RUBCN: variants seen among roughly 807,000 people sequenced by gnomAD.
RUBCN encodes run domain Beclin-1-interacting and cysteine-rich domain-containing protein.
In RUBCN, 74 loss-of-function variants were observed where a neutral mutation model predicts 113.2. The observed-to-expected ratio is 0.65, with a 90% CI of 0.54 to 0.79. The LOEUF is 0.79. Among genes scored for constraint, RUBCN ranks in the 30% least tolerant of loss-of-function variants. The pLI, the probability that RUBCN is intolerant of heterozygous loss-of-function variation, is 0.00. For missense variants in RUBCN, 1,109 were observed against 1,251.7 expected (o/e 0.89, Z 1.72); for synonymous variants, 480 against 490.0 (o/e 0.98, Z 0.27).
exon 1 of RUBCN, chr3:197,749,661 T>C: frequency 1.3e-6 from 1 of 772,538 alleles, no homozygotes; most frequent in East Asian, 4.5e-5. Flanking sequence ...GTGCCCGCGG[T>C]CTAGCATCCC....
At chr3:197,730,397 T>G (rs1048826398) in intron 1 of RUBCN, among the ~76,000 whole-genome samples, 2 of 152,172 alleles carry the variant, frequency 1.3e-5, no homozygotes, top group Admixed American at 6.5e-5. Flanking sequence ...CTGCTGGGAC[T>G]GCATCTTTCT....
chr3:197,680,738 C>G (rs1721126213), intron 16 of RUBCN, among the ~76,000 whole-genome samples: 1 of 152,102 alleles, frequency 6.6e-6, no homozygotes, highest in South Asian at 2.1e-4. Flanking sequence ...TACTCGATAC[C>G]CGATTCCTCA....
At chr3:197,710,049 A>T (rs1343074066) in intron 2 of RUBCN, among the ~76,000 whole-genome samples, 1 of 151,972 alleles carries the variant, frequency 6.6e-6, no homozygotes. Context: ...ATGCACCTGT[A>T]ATCCCAGCTC....
chr3:197,708,175 A>C (rs551206769), intron 2 of RUBCN, among the ~76,000 whole-genome samples: 1 of 151,820 alleles, frequency 6.6e-6, no homozygotes, highest in Non-Finnish European at 1.5e-5. Context: ...TTGCTCTGTC[A>C]CCCAGGCTGG....
chr3:197,677,439 C>T (rs760261066), intron 17 of RUBCN, 41 bp downstream of exon 17: 22 of 1,549,446 alleles, frequency 1.4e-5, no homozygotes, highest in African/African-American at 2.7e-5. Context: ...CTTTCGGAGA[C>T]AGCAACGTGG....
chr3:197,685,676 A>G (rs1337382147), intron 11 of RUBCN, among the ~76,000 whole-genome samples: 1 of 152,240 alleles, frequency 6.6e-6, no homozygotes, highest in Non-Finnish European at 1.5e-5. Context: ...AGGACAAGAC[A>G]TCGACACATT....
intron 1 of RUBCN, among the ~76,000 whole-genome samples, chr3:197,747,019 A>T (rs1232372105): frequency 6.6e-6 from 1 of 151,968 alleles, no homozygotes; most frequent in Non-Finnish European, 1.5e-5. Context: ...TGCCCCAGAA[A>T]ATTGCAGGGT....
Position 197,736,697 on chromosome 3 carries a change from A to G in RUBCN, c.23T>C (p.Met8Thr). ...GCGCTCCTCGCCGCCTCCGAGCTCC[A>G]TTCCCGCGCCCTCCGGCCGCATCCG... Reference protein sequence around the residue: MRPEGAGMELGGGEERLP... With the variant: MRPEGAGTELGGGEERLP... The change falls in exon 1 of 20, where the codon ATG (methionine) becomes ACG (threonine). Residue 8 changes from methionine (M) to threonine (T), a missense_variant. Around this residue, in one of 3 missense-constraint regions of RUBCN, gnomAD observed 736 missense variants for 779.6 expected, o/e 0.94. Transcript: ENST00000296343. 1 of 1,531,304 alleles carries G rather than the reference A, an allele frequency of 6.5e-7. No homozygotes were observed. Among genetic ancestry groups the G allele is most frequent in the Non-Finnish European group, 8.7e-7 (1 of 1,145,726 alleles). The allele number at this position is 1,531,304 out of a possible 1,614,324, so 94.9% of individuals were successfully genotyped here. A position where few individuals can be genotyped will look rare whatever the true frequency, so the allele number is the denominator to read the frequency against.
At chr3:197,684,689 CAT>C (rs896732700) in intron 11 of RUBCN, among the ~76,000 whole-genome samples, 1 of 151,100 alleles carries the variant, frequency 6.6e-6, no homozygotes, top group African/African-American at 2.4e-5. Flanking sequence ...CATATATACA[CAT>C]ATATATACAT....
At chr3:197,727,737 G>A (rs1049800137) in intron 1 of RUBCN, among the ~76,000 whole-genome samples, 16 of 152,300 alleles carry the variant, frequency 1.1e-4, no homozygotes, top group African/African-American at 2.9e-4. Flanking sequence ...TCTGCTTGAC[G>A]GAATGGAAGA....
chr3:197,695,987 G>A lies in RUBCN; in HGVS notation c.1358-6C>T. 6.2e-7 allele frequency: 1 copy of A among 1,613,610 alleles called. No individual in the cohort carries two copies. Among genetic ancestry groups the A allele is most frequent in the Non-Finnish European group, 8.5e-7 (1 of 1,179,500 alleles). On this transcript the variant is annotated splice_polypyrimidine_tract_variant and splice_region_variant and intron_variant, in intron 8 of 19. Transcript: ENST00000296343. ...GCACAGGTACCGACCACCTTCTGTG[G>A]GAAATGGAATGTGGATGAAACAGCC...
intron 1 of RUBCN, among the ~76,000 whole-genome samples, chr3:197,729,970 A>G (rs937599739): frequency 6.6e-6 from 1 of 152,216 alleles, no homozygotes; most frequent in Non-Finnish European, 1.5e-5. Flanking sequence ...CCAGCCAATC[A>G]CTGAACATCC....
chr3:197,742,660 G>A (rs1187628148), intron 1 of RUBCN, among the ~76,000 whole-genome samples: 4 of 152,186 alleles, frequency 2.6e-5, no homozygotes, highest in African/African-American at 7.2e-5. Flanking sequence ...TGTGCAAGAC[G>A]CTGTGCTTTA....
Position 197,705,179 on chromosome 3 carries a change from C to T in RUBCN, c.220-4G>A. 6.2e-7 allele frequency: 1 copy of T among 1,613,304 alleles called. No individual in the cohort carries two copies. Among genetic ancestry groups the T allele is most frequent in the Non-Finnish European group, 8.5e-7 (1 of 1,179,326 alleles). ...AATCCGTCTGGCGGCGGCACGCCTG[C>T]AAAGGGAACACATACAATGAGCAAA... On this transcript the variant is annotated splice_region_variant and splice_polypyrimidine_tract_variant and intron_variant, in intron 2 of 19. Coordinates refer to ENST00000296343, the MANE Select transcript of RUBCN (RefSeq NM_014687.4).
intron 7 of RUBCN, among the ~76,000 whole-genome samples, chr3:197,697,641 C>T (rs370496972): frequency 2.6e-5 from 4 of 152,060 alleles, no homozygotes; most frequent in Non-Finnish European, 2.9e-5. Context: ...GGAAGGCTGG[C>T]GAGACAGACA....
At chr3:197,704,916 T>G (rs80272519) in intron 3 of RUBCN, among the ~76,000 whole-genome samples, 176 bp downstream of exon 3, 1 of 142,482 alleles carries the variant, frequency 7.0e-6, no homozygotes, top group Non-Finnish European at 1.5e-5. Context: ...GGTTTGCATG[T>G]TTTTTTTTTT....
rs373600297 is a variant in RUBCN, at chr3:197,676,951, C to T, written c.2580G>A (p.Lys860=). The change falls in exon 18 of 20, where the codon AAG becomes AAA. Residue 860 remains lysine, a synonymous_variant. Coordinates refer to ENST00000296343, the MANE Select transcript of RUBCN (RefSeq NM_014687.4). The part of the protein sequence containing the change: ...YSLNDLTATR[K]GELGPRLAEL... ...CAGCAAGCCGGGGCCCCAGCTCCCCCTTCCTGGTCGCAGTCAGGTCATTCA... is the reference window on the plus strand; with the variant it reads ...CAGCAAGCCGGGGCCCCAGCTCCCCTTTCCTGGTCGCAGTCAGGTCATTCA... 6.2e-7 allele frequency: 1 copy of T among 1,614,118 alleles called. No homozygotes were observed. The highest frequency in any genetic ancestry group is 2.2e-5 in the East Asian group (1 of 44,902).
chr3:197,735,374 G>A (rs1026396852), intron 1 of RUBCN, among the ~76,000 whole-genome samples: 10 of 152,206 alleles, frequency 6.6e-5, no homozygotes, highest in Non-Finnish European at 1.3e-4. Context: ...GCTCAGCCTG[G>A]GGGACAGGGT....
chr3:197,695,189 G>T (rs1275280719), intron 9 of RUBCN, among the ~76,000 whole-genome samples: 2 of 145,728 alleles, frequency 1.4e-5, no homozygotes, highest in African/African-American at 5.1e-5. Context: ...AAGCCCAGGA[G>T]TTCAAGACCC....
Sources: allele counts gnomAD v4.1 joint callset (sites outside exome capture counted in the v4.1 genomes callset), GRCh38; gene constraint gnomAD v4.1.1; regional missense constraint gnomAD v4.1.1; transcripts MANE v1.5; gene names NCBI Gene and HGNC (gene_info 2026-07-23, HGNC 2026-07-21).